NLGN1: variants seen among roughly 807,000 people sequenced by gnomAD.
NLGN1 encodes the protein neuroligin 1.
A neutral mutation model predicts 65.5 loss-of-function variants in NLGN1; 12 were observed. The observed-to-expected ratio is 0.18, with a 90% CI of 0.12 to 0.30. The LOEUF is 0.30. Among genes scored for constraint, NLGN1 ranks in the 10% least tolerant of loss-of-function variants. NLGN1 has a pLI of 1.00. For missense variants in NLGN1, 750 were observed against 1,007.1 expected, an observed-to-expected ratio of 0.74 and a Z score of 3.46; for synonymous variants, 350 against 359.5, an observed-to-expected ratio of 0.97 and a Z score of 0.30.
At chr3:174,237,903 C>T (rs1218902691) in intron 4 of NLGN1, among the ~76,000 whole-genome samples, 1 of 152,166 alleles carries the variant, frequency 6.6e-6, no homozygotes, top group Non-Finnish European at 1.5e-5. Context: ...CCTGAAAACT[C>T]TGTAGCACCT....
intron 2 of NLGN1, among the ~76,000 whole-genome samples, chr3:173,480,950 C>G (rs553970923): frequency 2.0e-5 from 3 of 152,156 alleles, no homozygotes; most frequent in East Asian, 1.9e-4. Flanking sequence ...CCTTAAATTG[C>G]ATTTATCATG....
intron 4 of NLGN1, among the ~76,000 whole-genome samples, chr3:174,061,521 C>G (rs917724305): frequency 6.6e-6 from 1 of 151,942 alleles, no homozygotes; most frequent in Non-Finnish European, 1.5e-5. Context: ...TATTGTCAAC[C>G]CATATAAAAT....
intron 2 of NLGN1, among the ~76,000 whole-genome samples, chr3:173,480,446 T>C (rs1237824980): frequency 1.3e-5 from 2 of 152,270 alleles, no homozygotes; most frequent in East Asian, 3.9e-4. Context: ...ATATTGGTGA[T>C]GGTTTGCACG....
Position 174,129,250 on chromosome 3 carries a change from A to G in NLGN1, c.647-146065A>G, listed in dbSNP as rs534731558. On this transcript the variant is annotated intron_variant, in intron 4 of 6. Coordinates refer to ENST00000457714, the Ensembl canonical transcript of NLGN1. ...GCCCAAACGATCAATTTTTTGGCTC[A>G]TAATTTAAAGAGGTAAAAATCTCGT... Among the ~76,000 whole-genome samples, 39 of 152,104 alleles carry G rather than the reference A, an allele frequency of 2.6e-4. 1 individual carries two copies. Among genetic ancestry groups the G allele is most frequent in the African/African-American group, 6.7e-4 (28 of 41,494 alleles).
chr3:173,403,227 A>T (rs192873489), intron 1 of NLGN1, among the ~76,000 whole-genome samples: 1 of 152,286 alleles, frequency 6.6e-6, no homozygotes. Context: ...TGTACTGCGT[A>T]AAATTACAAA....
intron 4 of NLGN1, among the ~76,000 whole-genome samples, chr3:173,916,832 T>A (rs1740833645): frequency 6.6e-6 from 1 of 152,182 alleles, no homozygotes; most frequent in Non-Finnish European, 1.5e-5. Flanking sequence ...TAAAATGCCT[T>A]AATTAGTAAA....
chr3:173,978,873 C>T (rs1411615203), intron 4 of NLGN1, among the ~76,000 whole-genome samples: 1 of 147,798 alleles, frequency 6.8e-6, no homozygotes, highest in Non-Finnish European at 1.5e-5. Context: ...CCACTTGTGG[C>T]AGACATCTGT....
chr3:173,581,785 C>A (rs1215122878), intron 2 of NLGN1, among the ~76,000 whole-genome samples: 1 of 151,598 alleles, frequency 6.6e-6, no homozygotes, highest in Non-Finnish European at 1.5e-5. Flanking sequence ...GGTAAAGATT[C>A]ACAGGAATAA....
At chr3:173,568,144 C>T (rs1330859141) in intron 2 of NLGN1, among the ~76,000 whole-genome samples, 1 of 149,588 alleles carries the variant, frequency 6.7e-6, no homozygotes, top group African/African-American at 2.4e-5. Flanking sequence ...TTCCTTCCTT[C>T]CTTCCTTCCT....
chr3:173,543,327 A>G (rs1013752191), intron 2 of NLGN1, among the ~76,000 whole-genome samples: 1 of 152,146 alleles, frequency 6.6e-6, no homozygotes, highest in Non-Finnish European at 1.5e-5. Context: ...TTGCTAATGA[A>G]TCTATCACTT....
chr3:174,198,844 CTTTTTTT>C (rs56752477), intron 4 of NLGN1, among the ~76,000 whole-genome samples: 1 of 99,862 alleles, frequency 1.0e-5, no homozygotes, highest in Non-Finnish European at 1.9e-5. Flanking sequence ...TGACTAGATT[CTTTTTTT>C]TTTTTTTTTT....
intron 3 of NLGN1, among the ~76,000 whole-genome samples, chr3:173,729,805 C>T (rs111634815): frequency 0.016 from 2,421 of 152,066 alleles, 75 homozygotes; most frequent in African/African-American, 0.056. Flanking sequence ...TGGTGGGACC[C>T]ATACATTGGT....
intron 2 of NLGN1, among the ~76,000 whole-genome samples, chr3:173,482,979 C>T (rs1006769890): frequency 2.6e-5 from 4 of 151,812 alleles, no homozygotes; most frequent in South Asian, 2.1e-4. Flanking sequence ...TTATAGATCT[C>T]GTAATCAGTG....
At chr3:173,482,842 A>G (rs1276848911) in intron 2 of NLGN1, among the ~76,000 whole-genome samples, 1 of 152,078 alleles carries the variant, frequency 6.6e-6, no homozygotes, top group Non-Finnish European at 1.5e-5. Context: ...CTTAATTATT[A>G]ACAACTATTA....
At chr3:173,463,762 A>G (rs1560290544) in intron 2 of NLGN1, among the ~76,000 whole-genome samples, 1 of 152,188 alleles carries the variant, frequency 6.6e-6, no homozygotes, top group Admixed American at 6.5e-5. Context: ...AGGAGCAGAT[A>G]TGGCAATCCA....
intron 2 of NLGN1, among the ~76,000 whole-genome samples, chr3:173,509,847 T>C (rs1479631559): frequency 1.3e-5 from 2 of 152,204 alleles, no homozygotes; most frequent in Admixed American, 1.3e-4. Context: ...GTATATTTTT[T>C]CTATAGAATT....
At chr3:174,124,602 T>TATACGTATATATACGTATACAC (rs1561100564) in intron 4 of NLGN1, among the ~76,000 whole-genome samples, 49 of 86,354 alleles carry the variant, frequency 5.7e-4, no homozygotes, top group Non-Finnish European at 6.3e-5. Flanking sequence ...TACGTATACA[T>TATACGTATATATACGTATACAC]ATATACGTAT....
chr3:173,444,569 T>C (rs1295506757), intron 2 of NLGN1, among the ~76,000 whole-genome samples: 3 of 152,156 alleles, frequency 2.0e-5, no homozygotes, highest in East Asian at 3.9e-4. Flanking sequence ...AATATATATA[T>C]TCACTATTTT....
intron 4 of NLGN1, among the ~76,000 whole-genome samples, chr3:173,833,666 G>C (rs1470816727): frequency 6.6e-6 from 1 of 151,906 alleles, no homozygotes; most frequent in Non-Finnish European, 1.5e-5. Context: ...CTGCGGGCAT[G>C]CACCACCACA....
Sources: allele counts gnomAD v4.1 joint callset (sites outside exome capture counted in the v4.1 genomes callset), GRCh38; gene constraint gnomAD v4.1.1; transcripts MANE v1.5; gene names NCBI Gene and HGNC (gene_info 2026-07-23, HGNC 2026-07-21).